RABGEF1: variants seen among roughly 807,000 people sequenced by gnomAD.
The protein encoded by RABGEF1 is RAB guanine nucleotide exchange factor 1, also known as rab5 GDP/GTP exchange factor.
A neutral mutation model predicts 57.3 loss-of-function variants in RABGEF1; 26 were observed. That is an observed-to-expected ratio of 0.45 (90% CI 0.33 to 0.63). RABGEF1 has a LOEUF of 0.63. Among genes scored for constraint, RABGEF1 ranks in the 20% least tolerant of loss-of-function variants. RABGEF1 has a pLI of 0.02. For synonymous variants in RABGEF1, 185 were observed against 210.7 expected (o/e 0.88, Z 1.06); for missense variants, 464 against 607.6 (o/e 0.76, Z 2.48).
chr7:66,787,882 A>G (rs1212949521), intron 4 of RABGEF1, among the ~76,000 whole-genome samples: 1 of 152,226 alleles, frequency 6.6e-6, no homozygotes, highest in Non-Finnish European at 1.5e-5. Context: ...TGGCTTTGTA[A>G]ATAACTTTTT....
At chr7:66,689,524 C>T (rs1401149268) in intron 1 of RABGEF1, among the ~76,000 whole-genome samples, 4 of 152,032 alleles carry the variant, frequency 2.6e-5, no homozygotes, top group East Asian at 3.8e-4. Flanking sequence ...GTAAACTGGC[C>T]GGGCAAGGTG....
the RABGEF1 span, among the ~76,000 whole-genome samples, chr7:66,668,461 C>CA: frequency 1.3e-5 from 2 of 152,150 alleles, no homozygotes; most frequent in Admixed American, 1.3e-4. Flanking sequence ...TGGCATCTTG[C>CA]AACTTGAATT....
intron 1 of RABGEF1, among the ~76,000 whole-genome samples, chr7:66,765,355 TAGTG>T (rs1805440906): frequency 1.3e-5 from 2 of 152,340 alleles, no homozygotes; most frequent in South Asian, 4.1e-4. Context: ...GTCTAATACA[TAGTG>T]AGCTTTTATT....
the RABGEF1 span, among the ~76,000 whole-genome samples, chr7:66,662,803 A>G: frequency 2.0e-4 from 30 of 147,738 alleles, no homozygotes; most frequent in South Asian, 3.4e-3. Context: ...GTGCAGGTGT[A>G]TGTGTGTAGG....
At chr7:66,735,006 G>A (rs2659893) in intron 2 of RABGEF1, among the ~76,000 whole-genome samples, 51,766 of 152,032 alleles carry the variant, frequency 0.34, 9,211 homozygotes, top group Middle Eastern at 0.49. Flanking sequence ...GAACGTTAAG[G>A]AAGTTAAGGA....
chr7:66,658,829 G>A, the RABGEF1 span, among the ~76,000 whole-genome samples: 2 of 152,000 alleles, frequency 1.3e-5, no homozygotes, highest in South Asian at 2.1e-4. Flanking sequence ...TCTGGCTCCC[G>A]GGTTCACGCC....
the RABGEF1 span, among the ~76,000 whole-genome samples, chr7:66,660,791 A>G: frequency 6.6e-6 from 1 of 152,258 alleles, no homozygotes; most frequent in Non-Finnish European, 1.5e-5. Flanking sequence ...AACTCTTTCA[A>G]AAACTTGAAG....
the RABGEF1 span, among the ~76,000 whole-genome samples, chr7:66,675,829 A>G: frequency 6.6e-6 from 1 of 152,216 alleles, no homozygotes; most frequent in Admixed American, 6.6e-5. Flanking sequence ...CATGTATGAC[A>G]GCATGAAAAA....
intron 4 of RABGEF1, among the ~76,000 whole-genome samples, chr7:66,785,033 T>C (rs762814115): frequency 6.6e-6 from 1 of 152,222 alleles, no homozygotes; most frequent in South Asian, 2.1e-4. Flanking sequence ...GTATGTATAC[T>C]GTAGTACATA....
chr7:66,752,726 A>G (rs1167667199), intron 1 of RABGEF1, among the ~76,000 whole-genome samples: 4 of 152,242 alleles, frequency 2.6e-5, no homozygotes, highest in African/African-American at 9.6e-5. Flanking sequence ...GTTGAATCAG[A>G]AACTCTGGGG....
In RABGEF1 at chr7:66,745,261, C is replaced by T. The variant is rs191762175; in HGVS notation, c.-18+4469C>T. On this transcript the variant is annotated intron_variant, in intron 1 of 8. Transcript: ENST00000284957. ...ACATATAGAACTAAAATTCTGTTTA[C>T]TTATGTGAGTCTTTGGCTAGAGACA... Among the ~76,000 whole-genome samples the T allele has an allele frequency of 9.2e-5, 14 of 152,034 alleles. No homozygotes were observed. In the East Asian group the frequency reaches 2.5e-3, roughly 27 times the overall value.
upstream of RABGEF1, among the ~76,000 whole-genome samples, chr7:66,738,543 G>A (rs970476790): frequency 1.3e-5 from 2 of 151,710 alleles, no homozygotes; most frequent in South Asian, 2.1e-4. Flanking sequence ...CAGCCAGGGC[G>A]ACATGGCAAA....
intron 1 of RABGEF1, among the ~76,000 whole-genome samples, chr7:66,741,616 C>G (rs573365568): frequency 6.6e-6 from 1 of 152,302 alleles, no homozygotes; most frequent in African/African-American, 2.4e-5. Flanking sequence ...TTTCCCAGGA[C>G]GAGTTTACCG....
At chr7:66,724,363 T>TTA (rs1796365096) in intron 2 of RABGEF1, among the ~76,000 whole-genome samples, 2 of 148,218 alleles carry the variant, frequency 1.3e-5, no homozygotes. Context: ...ATTTATTTAT[T>TTA]TTATTTTTTT....
At chr7:66,734,010 C>CA (rs1427811739) in intron 2 of RABGEF1, among the ~76,000 whole-genome samples, 1 of 151,868 alleles carries the variant, frequency 6.6e-6, no homozygotes, top group Non-Finnish European at 1.5e-5. Flanking sequence ...GTCTCAAAAA[C>CA]AAAAAACAAA....
At chr7:66,788,783 G>A (rs139650506) in intron 4 of RABGEF1, among the ~76,000 whole-genome samples, 2,229 of 151,884 alleles carry the variant, frequency 0.015, 59 homozygotes, top group East Asian at 0.094. Flanking sequence ...GTGAAATCCC[G>A]TCTCTACTAA....
intron 6 of RABGEF1, 92 bp from the exon 7 acceptor site, chr7:66,799,231 T>C: frequency 1.0e-6 from 1 of 956,020 alleles, no homozygotes; most frequent in Non-Finnish European, 1.6e-6. Context: ...TGGTCAGTGA[T>C]GCCTCAGGCT....
chr7:66,715,176 G>A (rs1271324345), intron 2 of RABGEF1, among the ~76,000 whole-genome samples: 3 of 151,886 alleles, frequency 2.0e-5, no homozygotes, highest in Admixed American at 6.6e-5. Flanking sequence ...CACCTAGGCT[G>A]GAGTACCATG....
chr7:66,787,405 G>A (rs554126694), intron 4 of RABGEF1, among the ~76,000 whole-genome samples: 9 of 146,748 alleles, frequency 6.1e-5, no homozygotes, highest in Non-Finnish European at 1.0e-4. Context: ...GTGCAGTGGC[G>A]TGATTTCGGC....
Sources: allele counts gnomAD v4.1 joint callset (sites outside exome capture counted in the v4.1 genomes callset), GRCh38; gene constraint gnomAD v4.1.1; transcripts MANE v1.5; gene names NCBI Gene and HGNC (gene_info 2026-07-23, HGNC 2026-07-21).